The following PPP2R2B variants were observed in gnomAD, a reference collection of about 807,000 sequenced individuals.
The protein encoded by PPP2R2B is protein phosphatase 2 regulatory subunit Bbeta.
PPP2R2B carries 5 observed loss-of-function variants against 46.0 expected under a neutral mutation model. The observed-to-expected ratio is 0.11, with a 90% CI of 0.06 to 0.23. The LOEUF is 0.23. Ranked by LOEUF, PPP2R2B falls within the 10% of genes least tolerant of loss-of-function variation. The pLI is 1.00. For missense variants in PPP2R2B, 367 were observed against 575.0 expected (o/e 0.64, Z 3.70); for synonymous variants, 215 against 206.7 (o/e 1.04, Z -0.34).
chr5:146,893,425 C>A (rs753773790), intron 1 of PPP2R2B, among the ~76,000 whole-genome samples: 1 of 152,154 alleles, frequency 6.6e-6, no homozygotes, highest in East Asian at 1.9e-4. Flanking sequence ...GACCTAGCTG[C>A]CCCATTCCAG....
Position 146,650,678 on chromosome 5 carries a change from C to T in PPP2R2B, c.494G>A (p.Arg165Gln). ...PMDLMVEATP[R>Q]RVFANAHTYH... is the part of the protein sequence containing the mutation. ...TGTGTGTGCGTTGGCAAATACTCTT[C>T]GTGGGGTGGCCTCCACCATCAGGTC... The change falls in exon 6 of 10, where the codon CGA becomes CAA. Residue 165 changes from arginine to glutamine, a missense_variant. Coordinates refer to ENST00000394411, the MANE Select transcript of PPP2R2B (RefSeq NM_181675.4). 6.2e-7 allele frequency: 1 copy of T among 1,613,952 alleles called. No individual in the cohort carries two copies. The highest frequency in any genetic ancestry group is 8.5e-7 in the Non-Finnish European group (1 of 1,179,928).
chr5:146,913,338 G>A (rs1220497395), intron 1 of PPP2R2B, among the ~76,000 whole-genome samples: 1 of 152,132 alleles, frequency 6.6e-6, no homozygotes, highest in Non-Finnish European at 1.5e-5. Context: ...GAAAGGCAGG[G>A]AGGACTCCAA....
chr5:147,068,193 CT>C (rs1022849417), intron 2 of PPP2R2B, among the ~76,000 whole-genome samples: 2 of 152,170 alleles, frequency 1.3e-5, no homozygotes, highest in African/African-American at 4.8e-5. Context: ...AGCATTCACT[CT>C]GTGTCAAGCG....
At chr5:146,705,027 C>T (rs1305314059) in intron 2 of PPP2R2B, among the ~76,000 whole-genome samples, 1 of 152,090 alleles carries the variant, frequency 6.6e-6, no homozygotes. Flanking sequence ...AATGGAGACT[C>T]AGTTTAGACT....
intron 5 of PPP2R2B, among the ~76,000 whole-genome samples, chr5:146,675,339 T>C (rs1325587052): frequency 1.3e-5 from 2 of 152,214 alleles, no homozygotes; most frequent in African/African-American, 2.4e-5. Flanking sequence ...TGAATCTTTA[T>C]TGAGCATCTT....
At chr5:146,922,372 G>C (rs544640935) in intron 1 of PPP2R2B, 3 of 152,230 alleles carry the variant, frequency 2.0e-5, no homozygotes, top group African/African-American at 7.2e-5. Context: ...CTCCCTCCTA[G>C]CTCAGAGACT....
chr5:146,605,086 G>A (rs1166667315), intron 7 of PPP2R2B, among the ~76,000 whole-genome samples: 1 of 152,156 alleles, frequency 6.6e-6, no homozygotes, highest in Non-Finnish European at 1.5e-5. Flanking sequence ...GAGCTTTTGT[G>A]CTGTGTGCTC....
chr5:147,048,672 T>C (rs987900340), intron 1 of PPP2R2B, among the ~76,000 whole-genome samples: 12 of 152,270 alleles, frequency 7.9e-5, no homozygotes, highest in African/African-American at 2.4e-5. Context: ...ATATTTTCAT[T>C]AGAGAAGGAA....
chr5:146,808,696 CA>C lies in PPP2R2B; in HGVS notation c.70+69305del, dbSNP rs397833106. On this transcript the variant is annotated intron_variant, in intron 2 of 9. Coordinates refer to ENST00000394411, the MANE Select transcript of PPP2R2B (RefSeq NM_181675.4). ...CACTGTGACAACTCCTCATTTCTAT[CA>C]GGGGAAAGAAAGTCCAATCAGGCAA... Among the ~76,000 whole-genome samples, 1,071 of 152,118 alleles carry C rather than the reference CA, an allele frequency of 7.0e-3. 8 individuals are homozygous for C. Among genetic ancestry groups the C allele is most frequent in the Middle Eastern group, 0.062 (18 of 292 alleles).
intron 2 of PPP2R2B, among the ~76,000 whole-genome samples, chr5:146,798,929 A>G (rs1756699239): frequency 6.6e-6 from 1 of 152,178 alleles, no homozygotes; most frequent in Admixed American, 6.5e-5. Context: ...AGCCTGTTTA[A>G]AGGGATCTAG....
At chr5:146,870,942 A>G (rs1034148549) in intron 2 of PPP2R2B, among the ~76,000 whole-genome samples, 1 of 152,234 alleles carries the variant, frequency 6.6e-6, no homozygotes, top group Non-Finnish European at 1.5e-5. Flanking sequence ...AACAATTAAT[A>G]TTTCCCACTA....
chr5:146,722,522 A>C (rs2151195522), intron 2 of PPP2R2B, among the ~76,000 whole-genome samples: 1 of 152,332 alleles, frequency 6.6e-6, no homozygotes, highest in Non-Finnish European at 1.5e-5. Flanking sequence ...TGCTTTGCAC[A>C]GCCCAGCCCA....
intron 5 of PPP2R2B, among the ~76,000 whole-genome samples, chr5:146,663,268 A>T (rs1776777598): frequency 6.6e-6 from 1 of 152,136 alleles, no homozygotes; most frequent in Admixed American, 6.5e-5. Flanking sequence ...AAACCACTAT[A>T]CTATGCTGCC....
intron 1 of PPP2R2B, among the ~76,000 whole-genome samples, chr5:147,039,672 T>C (rs1048381589): frequency 6.6e-5 from 10 of 152,332 alleles, no homozygotes; most frequent in African/African-American, 2.4e-4. Context: ...GTTAAGTATA[T>C]GCAAGTTCAT....
At chr5:147,019,972 G>A (rs1755185135) in intron 1 of PPP2R2B, among the ~76,000 whole-genome samples, 1 of 152,078 alleles carries the variant, frequency 6.6e-6, no homozygotes, top group Admixed American at 6.6e-5. Context: ...ATCAACAGAG[G>A]ATTTCTCTAG....
chr5:146,799,298 T>G (rs939745074), intron 2 of PPP2R2B, among the ~76,000 whole-genome samples: 5 of 152,190 alleles, frequency 3.3e-5, no homozygotes, highest in Non-Finnish European at 7.3e-5. Context: ...AGAAAGAGAA[T>G]GAATATGAAA....
At chr5:146,720,121 G>T (rs557183631) in intron 2 of PPP2R2B, among the ~76,000 whole-genome samples, 16 of 152,296 alleles carry the variant, frequency 1.1e-4, no homozygotes, top group African/African-American at 3.8e-4. Context: ...GGTCTTTACT[G>T]TTGAGTGGTA....
chr5:146,756,696 C>T (rs935746794), intron 2 of PPP2R2B, among the ~76,000 whole-genome samples: 8 of 152,136 alleles, frequency 5.3e-5, no homozygotes, highest in East Asian at 3.9e-4. Flanking sequence ...ATAATAGTAC[C>T]AGCATCACAT....
At chr5:146,899,173 A>G (rs1230445954) in intron 1 of PPP2R2B, among the ~76,000 whole-genome samples, 2 of 147,184 alleles carry the variant, frequency 1.4e-5, no homozygotes, top group East Asian at 4.2e-4. Flanking sequence ...ACACATGCAC[A>G]CGTATGTTTA....
Sources: gnomAD v4.1 joint callset for allele counts (sites outside exome capture counted in the v4.1 genomes callset) on GRCh38, gnomAD v4.1.1 for gene constraint, MANE v1.5 for transcripts, NCBI Gene and HGNC (gene_info 2026-07-23, HGNC 2026-07-21) for gene names.